CMKLR1: variants seen among roughly 807,000 people sequenced by gnomAD.
The protein encoded by CMKLR1 is chemerin chemokine-like receptor 1.
A neutral mutation model predicts 8.2 loss-of-function variants in CMKLR1; 6 were observed. The ratio of observed to expected loss-of-function variants is 0.73; its 90% CI spans 0.40 to 1.44. CMKLR1 has a LOEUF of 1.44. Ranked by LOEUF, CMKLR1 falls within the 40% of genes most tolerant of loss-of-function variation. The probability of loss-of-function intolerance (pLI) is 0.02; values close to 1 mark genes in which losing one functional copy is unlikely to be tolerated. For missense variants in CMKLR1, 429 were observed against 478.0 expected, an observed-to-expected ratio of 0.90 and a Z score of 0.96; for synonymous variants, 178 against 181.2, an observed-to-expected ratio of 0.98 and a Z score of 0.14.
intron 2 of CMKLR1, among the ~76,000 whole-genome samples, chr12:108,326,519 T>G (rs898303074): frequency 6.6e-6 from 1 of 151,976 alleles, no homozygotes; most frequent in Admixed American, 6.6e-5. Flanking sequence ...CCATGGAAGA[T>G]GAAGAGACAG....
At position 108,292,807 on chromosome 12, in the gene CMKLR1, G is replaced by T; in HGVS notation, c.156C>A (p.Phe52Leu). ...CCAGACCATTGCCCAGAATCCCGAG[G>T]AAGCAGACGATGCTGTAGACCACCA... ...FLVVVYSIVC[F>L]LGILGNGLVI... is the part of the protein sequence containing the mutation. The change falls in exon 4 of 4, where the codon TTC becomes TTA. Residue 52 changes from phenylalanine (F) to leucine (L), a missense_variant. Coordinates refer to ENST00000550402, the MANE Select transcript of CMKLR1 (RefSeq NM_001142343.2). The T allele has an allele frequency of 6.2e-7, 1 of 1,614,174 alleles. No homozygotes were observed. The highest frequency in any genetic ancestry group is 8.5e-7 in the Non-Finnish European group (1 of 1,180,034).
intron 1 of CMKLR1, among the ~76,000 whole-genome samples, chr12:108,331,949 C>T (rs1160058683): frequency 2.6e-5 from 4 of 152,268 alleles, no homozygotes; most frequent in South Asian, 2.1e-4. Flanking sequence ...TTAAGCCATT[C>T]GGTTTATGGT....
intron 2 of CMKLR1, among the ~76,000 whole-genome samples, chr12:108,324,186 G>A (rs561181922): frequency 1.3e-5 from 2 of 152,304 alleles, no homozygotes; most frequent in South Asian, 2.1e-4. Flanking sequence ...ATGTGATCAC[G>A]CTTGTTGTAG....
rs117544848 is a variant in CMKLR1 at position 108,326,574 on chromosome 12, C to T, written c.-74+3421G>A. ...ATCAGTATAGAAAGGGTCTGCAGCA[C>T]GTGAAAGGCAGAAAGGCCTGGAAAT... is the stretch of plus-strand genomic sequence containing the variant. On this transcript the variant is annotated intron_variant, in intron 2 of 3. Transcript: ENST00000550402. Among the ~76,000 whole-genome samples, 122 of 152,262 alleles carry T rather than the reference C, an allele frequency of 8.0e-4. No individual in the cohort carries two copies. In the East Asian group the frequency reaches 9.1e-3, roughly 11 times the overall value.
At chr12:108,323,006 C>G (rs1259849007) in intron 2 of CMKLR1, among the ~76,000 whole-genome samples, 1 of 152,114 alleles carries the variant, frequency 6.6e-6, no homozygotes, top group Non-Finnish European at 1.5e-5. Flanking sequence ...TCTCAGATTC[C>G]CCCTTCAGCC....
intron 2 of CMKLR1, among the ~76,000 whole-genome samples, chr12:108,326,661 ATG>A (rs1349435385): frequency 6.6e-6 from 1 of 152,184 alleles, no homozygotes; most frequent in Non-Finnish European, 1.5e-5. Context: ...AGCCTGGGCG[ATG>A]TGGCCTTGGG....
Position 108,291,555 on chromosome 12 carries a change from T to C in CMKLR1, c.*286A>G, listed in dbSNP as rs1515632. 4.5e-5 allele frequency: 18 copies of C among 398,614 alleles called. No homozygotes were observed. Among genetic ancestry groups the C allele is most frequent in the Admixed American group, 2.1e-4 (5 of 23,612 alleles). 24.7% of individuals were successfully genotyped at this position (398,614 alleles called of 1,614,324 possible). ...ACCGCCCTATGCCAATCCCAGTTCA[T>C]GGCAATGCTTTTGAGAATTCTTCCT... is the stretch of plus-strand genomic sequence containing the variant. On this transcript the variant is annotated 3_prime_UTR_variant, in exon 4 of 4. Coordinates refer to ENST00000550402, the MANE Select transcript of CMKLR1 (RefSeq NM_001142343.2).
intron 2 of CMKLR1, among the ~76,000 whole-genome samples, chr12:108,313,376 C>A (rs936797218): frequency 2.6e-5 from 4 of 151,958 alleles, no homozygotes; most frequent in African/African-American, 9.7e-5. Context: ...GGGTCTCACA[C>A]CCTCATCTTA....
rs969790097 is a variant in CMKLR1 at position 108,290,701 on chromosome 12, A to T, written c.*1140T>A. On this transcript the variant is annotated 3_prime_UTR_variant, in exon 4 of 4. Transcript: ENST00000550402. ...TTAGATGAGAAAAGCCATGCCAGGCACCTGTATCCAGGAGGTATTTGGTGT... is the reference window on the plus strand; with the variant it reads ...TTAGATGAGAAAAGCCATGCCAGGCTCCTGTATCCAGGAGGTATTTGGTGT... 6.6e-6 allele frequency: 1 copy of T among 152,210 alleles called. No individual in the cohort carries two copies. The highest frequency in any genetic ancestry group is 2.4e-5 in the African/African-American group (1 of 41,442). 9.4% of individuals were successfully genotyped at this position (152,210 alleles called of 1,614,324 possible).
chr12:108,328,204 T>C (rs947143610), intron 2 of CMKLR1, among the ~76,000 whole-genome samples: 1 of 152,076 alleles, frequency 6.6e-6, no homozygotes, highest in African/African-American at 2.4e-5. Flanking sequence ...GTCCCTACCA[T>C]GTCTTTTGGC....
chr12:108,337,069 T>C (rs1892243464), intron 1 of CMKLR1, among the ~76,000 whole-genome samples: 1 of 152,202 alleles, frequency 6.6e-6, no homozygotes, highest in Admixed American at 6.5e-5. Flanking sequence ...TATCAAATAA[T>C]ATCATCCTTA....
chr12:108,298,130 A>G (rs1891182511), intron 2 of CMKLR1, among the ~76,000 whole-genome samples: 1 of 152,220 alleles, frequency 6.6e-6, no homozygotes, highest in Non-Finnish European at 1.5e-5. Context: ...ACCACAAGGA[A>G]GCTCAGAGTC....
At chr12:108,318,593 G>A (rs1485579270) in intron 2 of CMKLR1, among the ~76,000 whole-genome samples, 1 of 152,126 alleles carries the variant, frequency 6.6e-6, no homozygotes, top group Non-Finnish European at 1.5e-5. Context: ...GGAGATTTCT[G>A]CCTGAGGCCT....
chr12:108,334,737 T>C (rs1328995788), intron 1 of CMKLR1, among the ~76,000 whole-genome samples: 2 of 152,358 alleles, frequency 1.3e-5, no homozygotes, highest in Non-Finnish European at 2.9e-5. Flanking sequence ...CCCATTCTTT[T>C]GCTATGAGCT....
intron 2 of CMKLR1, among the ~76,000 whole-genome samples, chr12:108,325,764 C>T (rs1361800468): frequency 6.6e-6 from 1 of 152,160 alleles, no homozygotes; most frequent in Non-Finnish European, 1.5e-5. Context: ...TCTAAACACA[C>T]CTGGATAAAA....
At chr12:108,300,777 G>A (rs756775147) in intron 2 of CMKLR1, among the ~76,000 whole-genome samples, 9 of 152,134 alleles carry the variant, frequency 5.9e-5, no homozygotes, top group Non-Finnish European at 1.0e-4. Context: ...AAGTGGCATT[G>A]GTGAAGCATT....
chr12:108,335,763 A>G (rs1892205941), intron 1 of CMKLR1, among the ~76,000 whole-genome samples: 1 of 152,226 alleles, frequency 6.6e-6, no homozygotes, highest in Admixed American at 6.5e-5. Context: ...TTCAGCAACA[A>G]GAGTGAGATT....
chr12:108,312,760 G>A (rs993993137), intron 2 of CMKLR1, among the ~76,000 whole-genome samples: 1 of 152,132 alleles, frequency 6.6e-6, no homozygotes. Context: ...GCTGCACACG[G>A]GGCCCTGTGA....
chr12:108,314,047 G>A (rs1365800313), intron 2 of CMKLR1, among the ~76,000 whole-genome samples: 1 of 152,190 alleles, frequency 6.6e-6, no homozygotes, highest in Non-Finnish European at 1.5e-5. Flanking sequence ...TTGGGGAGGG[G>A]TGCCACAATA....
Sources: gnomAD v4.1 joint callset for allele counts (sites outside exome capture counted in the v4.1 genomes callset) on GRCh38, gnomAD v4.1.1 for gene constraint, MANE v1.5 for transcripts, NCBI Gene and HGNC (gene_info 2026-07-23, HGNC 2026-07-21) for gene names.